ARPC2: variants seen among roughly 807,000 people sequenced by gnomAD.
The protein encoded by ARPC2 is actin related protein 2/3 complex subunit 2.
In ARPC2, 4 loss-of-function variants were observed where a neutral mutation model predicts 38.6. The ratio of observed to expected loss-of-function variants is 0.10; its 90% CI spans 0.05 to 0.24. The LOEUF (loss-of-function observed/expected upper bound fraction) is 0.24. Ranked by LOEUF, ARPC2 falls within the 10% of genes least tolerant of loss-of-function variation. The probability of loss-of-function intolerance (pLI) is 1.00; values close to 1 mark genes in which losing one functional copy is unlikely to be tolerated. For missense variants in ARPC2, 229 were observed against 387.3 expected (o/e 0.59, Z 3.43); for synonymous variants, 125 against 140.8 (o/e 0.89, Z 0.79).
chr2:218,251,253 A>G lies in ARPC2; in HGVS notation c.878+1332A>G, dbSNP rs1690183394. Among the ~76,000 whole-genome samples, 6 of 151,774 alleles carry G rather than the reference A, an allele frequency of 4.0e-5. No homozygotes were observed. The South Asian group carries it at 1.2e-3, about 32-fold the overall frequency. ...TGATACAGAGTTTCGCTCTTGAAGC[A>G]CAGGCTGGAGTGCAGAGGCACAATC... On this transcript the variant is annotated intron_variant, in intron 10 of 10. Coordinates refer to ENST00000315717, the MANE Select transcript of ARPC2 (RefSeq NM_152862.3).
At chr2:218,235,934 A>G (rs1003936533) in intron 5 of ARPC2, 2 of 124,694 alleles carry the variant, frequency 1.6e-5, no homozygotes, top group Non-Finnish European at 3.8e-5. Context: ...TATAAAAAAT[A>G]CAGAAATTAG....
At chr2:218,222,339 A>C (rs1689401468) in intron 2 of ARPC2, among the ~76,000 whole-genome samples, 1 of 152,164 alleles carries the variant, frequency 6.6e-6, no homozygotes, top group African/African-American at 2.4e-5. Context: ...GTTGTTAATG[A>C]GAAAAGAAGA....
intron 10 of ARPC2, among the ~76,000 whole-genome samples, chr2:218,251,996 G>A (rs527317887): frequency 1.1e-4 from 16 of 152,238 alleles, no homozygotes; most frequent in Admixed American, 4.6e-4. Context: ...CGAGGCAGGC[G>A]GATCACCTGA....
At chr2:218,219,863 T>A (rs1268163086) in intron 2 of ARPC2, among the ~76,000 whole-genome samples, 7 of 152,166 alleles carry the variant, frequency 4.6e-5, no homozygotes, top group Non-Finnish European at 8.8e-5. Flanking sequence ...ACCATGATAT[T>A]GTGCCTGGTA....
At position 218,254,074 on chromosome 2, in the gene ARPC2, C is replaced by T; in HGVS notation, c.*159C>T. 1 of 786,250 alleles carries T rather than the reference C, an allele frequency of 1.3e-6. No homozygotes were observed. The highest frequency in any genetic ancestry group is 1.9e-6 in the Non-Finnish European group (1 of 514,056). 48.7% of individuals were successfully genotyped at this position (786,250 alleles called of 1,614,324 possible). ...TTGGAAAATAATCTGCAGAAACGAG[C>T]TGTGCTTGCAAAGACTTCATAGTTC... is the stretch of plus-strand genomic sequence containing the variant. On this transcript the variant is annotated 3_prime_UTR_variant, in exon 11 of 11. Transcript: ENST00000315717.
chr2:218,217,280 A>G (rs546162391), intron 1 of ARPC2, 26 bp downstream of exon 1: 368 of 571,472 alleles, frequency 6.4e-4, no homozygotes, highest in African/African-American at 5.3e-3. Context: ...GGGTGTCTCC[A>G]CAGTCTGCGT....
intron 2 of ARPC2, among the ~76,000 whole-genome samples, chr2:218,225,516 A>G (rs116748408): frequency 0.017 from 2,644 of 152,332 alleles, 36 homozygotes; most frequent in Non-Finnish European, 0.026. Flanking sequence ...ACCATTCTAC[A>G]TTATACTTAG....
chr2:218,231,703 G>A (rs1438304052), intron 4 of ARPC2, among the ~76,000 whole-genome samples: 1 of 152,182 alleles, frequency 6.6e-6, no homozygotes, highest in Non-Finnish European at 1.5e-5. Flanking sequence ...AGGAACTACA[G>A]GTGGCATTAT....
chr2:218,224,311 C>T (rs1447867874), intron 2 of ARPC2, among the ~76,000 whole-genome samples: 1 of 152,066 alleles, frequency 6.6e-6, no homozygotes, highest in Middle Eastern at 3.2e-3. Flanking sequence ...CCTTCTTTGG[C>T]TGAATTAAAA....
chr2:218,225,795 G>T (rs1174700511), intron 2 of ARPC2, 125 bp from the exon 3 acceptor site: 16 of 807,024 alleles, frequency 2.0e-5, no homozygotes, highest in Non-Finnish European at 4.2e-6. Context: ...ACTCTGATTG[G>T]CAGTAACCTA....
At chr2:218,225,184 G>A (rs1349878729) in intron 2 of ARPC2, among the ~76,000 whole-genome samples, 1 of 152,174 alleles carries the variant, frequency 6.6e-6, no homozygotes, top group African/African-American at 2.4e-5. Context: ...AGAATGCAAA[G>A]GTGTAAGGGT....
intron 8 of ARPC2, 132 bp downstream of exon 8, chr2:218,245,678 C>A: frequency 1.6e-6 from 2 of 1,228,168 alleles, no homozygotes; most frequent in Non-Finnish European, 2.3e-6. Flanking sequence ...TTCCTGTTGC[C>A]ATTGCAGTGA....
At chr2:218,220,139 G>A (rs1574573324) in intron 2 of ARPC2, among the ~76,000 whole-genome samples, 1 of 152,214 alleles carries the variant, frequency 6.6e-6, no homozygotes. Flanking sequence ...TTGGGGTGGA[G>A]ATCAGAGAAA....
At chr2:218,217,381 G>C (rs1029960852) in intron 1 of ARPC2, 82 bp from the exon 2 acceptor site, 4 of 1,296,616 alleles carry the variant, frequency 3.1e-6, no homozygotes, top group Non-Finnish European at 4.5e-6. Context: ...GCCCCACTCA[G>C]GGGGCAGCAG....
chr2:218,227,353 C>G lies in ARPC2; in HGVS notation c.110-1385C>G, dbSNP rs568504719. 2.3e-3 allele frequency among the ~76,000 whole-genome samples: 348 copies of G among 152,308 alleles called. 2 individuals carry two copies. The highest frequency in any genetic ancestry group is 3.7e-3 in the Non-Finnish European group (251 of 68,030). ...TGCAATGTGTGGATATTGTTTGCAT[C>G]TTAATTCAAATAAGACAACAATGCT... On this transcript the variant is annotated intron_variant, in intron 3 of 10. Transcript: ENST00000315717.
At position 218,249,865 on chromosome 2, in the gene ARPC2, C is replaced by T. The variant is rs772928985; in HGVS notation, c.822C>T (p.Leu274=). ...TGCGGGCGAAAACGTCTGACTTCCTCAAGGTGCTGAACCGCGCACGCCCAG... is the reference window on the plus strand; with the variant it reads ...TGCGGGCGAAAACGTCTGACTTCCTTAAGGTGCTGAACCGCGCACGCCCAG... ...TRMRAKTSDF[L]KVLNRARPDA... is the part of the protein sequence containing the mutation. The change falls in exon 10 of 11, where the codon CTC becomes CTT. Residue 274 remains leucine, a synonymous_variant. Transcript: ENST00000315717. 1 of 1,613,960 alleles carries T rather than the reference C, an allele frequency of 6.2e-7. No homozygotes were observed. The highest frequency in any genetic ancestry group is 8.5e-7 in the Non-Finnish European group (1 of 1,179,966).
rs1358414928 is a variant in ARPC2 at position 218,220,150 on chromosome 2, GACATTAAAGGGAGTAGTTTGGA to G, written c.74+2607_74+2628del. On this transcript the variant is annotated intron_variant, in intron 2 of 10. Coordinates refer to ENST00000315717, the MANE Select transcript of ARPC2 (RefSeq NM_152862.3). ...GGTGTTGGGGTGGAGATCAGAGAAA[GACATTAAAGGGAGTAGTTTGGA>G]GGAGAAACCCTGGAGATTTGAAAGG... Among the ~76,000 whole-genome samples the G allele has an allele frequency of 2.0e-5, 3 of 152,324 alleles. No individual in the cohort carries two copies. In the South Asian group the frequency reaches 6.2e-4, roughly 32 times the overall value.
intron 8 of ARPC2, among the ~76,000 whole-genome samples, chr2:218,246,403 G>A (rs1690032835): frequency 1.3e-5 from 2 of 151,974 alleles, no homozygotes; most frequent in Middle Eastern, 3.2e-3. Context: ...GGTGGTGTGC[G>A]CCTGTAATCC....
At chr2:218,246,313 A>T (rs1392572524) in intron 8 of ARPC2, among the ~76,000 whole-genome samples, 2 of 152,076 alleles carry the variant, frequency 1.3e-5, no homozygotes, top group Non-Finnish European at 2.9e-5. Context: ...ACCTGAGGTC[A>T]GGAGTTCGAG....
Sources: allele counts gnomAD v4.1 joint callset (sites outside exome capture counted in the v4.1 genomes callset), GRCh38; gene constraint gnomAD v4.1.1; transcripts MANE v1.5; gene names NCBI Gene and HGNC (gene_info 2026-07-23, HGNC 2026-07-21).